GH1: variants seen among roughly 807,000 people sequenced by gnomAD.
GH1 encodes growth hormone 1.
A neutral mutation model predicts 24.5 loss-of-function variants in GH1; 13 were observed. The observed-to-expected ratio is 0.53, with a 90% CI of 0.35 to 0.85. The LOEUF is 0.85. Among genes scored for constraint, GH1 ranks in the 40% least tolerant of loss-of-function variants. GH1 has a pLI of 0.01. For missense variants in GH1, 294 were observed against 273.2 expected (o/e 1.08, Z -0.54); for synonymous variants, 126 against 116.3 (o/e 1.08, Z -0.54).
Position 63,917,808 on chromosome 17 carries a change from G to A in GH1, c.408C>T (p.Val136=), listed in dbSNP as rs774017931. 2.5e-6 allele frequency: 4 copies of A among 1,614,196 alleles called. No individual in the cohort carries two copies. The East Asian group carries it at 8.9e-5, about 36-fold the overall frequency. The change falls in exon 4 of 5, where the codon GTC becomes GTT. Residue 136 remains valine (V), a synonymous_variant. Coordinates refer to ENST00000323322, the MANE Select transcript of GH1 (RefSeq NM_000515.5). ...CCTCTAGGTCCTTTAGGAGGTCATA[G>A]ACGTTGCTGTCAGAGGCGCCGTACA... is the stretch of plus-strand genomic sequence containing the variant. The part of the protein sequence containing the change: ...SLVYGASDSN[V]YDLLKDLEEG...
At chr17:63,918,298 C>T in intron 2 of GH1, 48 bp downstream of exon 2, 1 of 1,612,910 alleles carries the variant, frequency 6.2e-7, no homozygotes. Flanking sequence ...GGGGGAAAGT[C>T]ACCCCTTCCT....
intron 1 of GH1, 112 bp downstream of exon 1, chr17:63,918,655 T>A: frequency 6.2e-7 from 1 of 1,610,500 alleles, no homozygotes; most frequent in Non-Finnish European, 8.5e-7. Flanking sequence ...TACATGGCGA[T>A]ACTCACATTC....
chr17:63,918,237 C>G, intron 2 of GH1, 101 bp from the exon 3 acceptor site: 1 of 1,612,038 alleles, frequency 6.2e-7, no homozygotes, highest in Non-Finnish European at 8.5e-7. Context: ...CCTGCATTTT[C>G]GCTTCGGGAA....
Position 63,917,689 on chromosome 17 carries a change from C to G in GH1, c.456+71G>C. 4 of 1,614,136 alleles carry G rather than the reference C, an allele frequency of 2.5e-6. No homozygotes were observed. The South Asian group carries it at 4.4e-5, about 18-fold the overall frequency. ...GGCCTGACTGCTAAAAAGAGGGCAG[C>G]AGTGTTTCTCTAACACAGCTCTCAA... is the stretch of plus-strand genomic sequence containing the variant. On this transcript the variant is annotated intron_variant, in intron 4 of 4. Transcript: ENST00000323322.
rs745903951 is a variant in GH1, at chr17:63,918,380, A to G, written c.137T>C (p.Leu46Pro). ...GTAGGTGTCAAAGGCCAGCTGGTGC[A>G]GACGATGGGCGCGGAGCATAGCGTT... Reference protein sequence around the residue: ...FDNAMLRAHRLHQLAFDTYQE... With the variant: ...FDNAMLRAHRPHQLAFDTYQE... The change falls in exon 2 of 5, where the codon CTG becomes CCG. Residue 46 changes from leucine (L) to proline (P), a missense_variant. Leu to Pro is a moderately conservative substitution (Grantham distance 98). Coordinates refer to ENST00000323322, the MANE Select transcript of GH1 (RefSeq NM_000515.5). 14 of 1,614,100 alleles carry G rather than the reference A, an allele frequency of 8.7e-6. No individual in the cohort carries two copies. The highest frequency in any genetic ancestry group is 2.7e-5 in the African/African-American group (2 of 74,932).
rs1461264581 is a variant in GH1, at chr17:63,918,828, C to T, written c.-52G>A. ...CCCTGAGTGGTTCGGGGAGTTGGGC[C>T]TTGGGATCCTTGAGCTGGTCTCTTG... On this transcript the variant is annotated 5_prime_UTR_variant, in exon 1 of 5. Transcript: ENST00000323322. 2 of 1,613,772 alleles carry T rather than the reference C, an allele frequency of 1.2e-6. No homozygotes were observed. Among genetic ancestry groups the T allele is most frequent in the Non-Finnish European group, 1.7e-6 (2 of 1,179,758 alleles).
chr17:63,917,852 C>T lies in GH1; in HGVS notation c.364G>A (p.Val122Ile), dbSNP rs866454750. The change falls in exon 4 of 5, where the codon GTC becomes ATC. Residue 122 changes from valine to isoleucine, a missense_variant. By Grantham distance (29) the Val-to-Ile change is conservative (BLOSUM62 3). Coordinates refer to ENST00000323322, the MANE Select transcript of GH1 (RefSeq NM_000515.5). ...CCGTACACCAGGCTGTTGGCGAAGACACTCCTGAGGAACTGCACGGGCTCC... is the reference window on the plus strand; with the variant it reads ...CCGTACACCAGGCTGTTGGCGAAGATACTCCTGAGGAACTGCACGGGCTCC... ...WLEPVQFLRS[V>I]FANSLVYGAS... The T allele has an allele frequency of 1.2e-6, 2 of 1,614,210 alleles. No homozygotes were observed. The highest frequency in any genetic ancestry group is 2.2e-5 in the South Asian group (2 of 91,088).
At position 63,917,929 on chromosome 17, in the gene GH1, A is replaced by C. The variant is rs747651789; in HGVS notation, c.292-5T>G. On this transcript the variant is annotated splice_region_variant and splice_polypyrimidine_tract_variant and intron_variant, in intron 3 of 4. Coordinates refer to ENST00000323322, the MANE Select transcript of GH1 (RefSeq NM_000515.5). ...GATGCGGAGCAGCTCTAGGTTCTGC[A>C]GGGGAAGGACGGGCATTGGCTGTGC... 5 of 1,614,158 alleles carry C rather than the reference A, an allele frequency of 3.1e-6. No homozygotes were observed. Among genetic ancestry groups the C allele is most frequent in the Middle Eastern group, 1.6e-4 (1 of 6,062 alleles).
chr17:63,918,184 A>T (rs1475694518), intron 2 of GH1, 48 bp from the exon 3 acceptor site: 1 of 1,613,938 alleles, frequency 6.2e-7, no homozygotes, highest in Non-Finnish European at 8.5e-7. Context: ...ACCAGCTCCC[A>T]TTGTTACTTT....
chr17:63,917,532 AG>A, intron 4 of GH1, 26 bp from the exon 5 acceptor site: 1 of 1,613,954 alleles, frequency 6.2e-7, no homozygotes, highest in Non-Finnish European at 8.5e-7. Context: ...AGAGAAGGAG[AG>A]GCCAAGCGCT....
chr17:63,918,614 G>A (rs755092059), intron 1 of GH1, 108 bp from the exon 2 acceptor site: 58 of 1,609,846 alleles, frequency 3.6e-5, no homozygotes, highest in Non-Finnish European at 4.8e-5. Context: ...CAGGGACCAG[G>A]AGCTTTCTGA....
chr17:63,917,324 G>A lies in GH1; in HGVS notation c.639C>T (p.Gly213=), dbSNP rs1366097196. 53 of 1,613,964 alleles carry A rather than the reference G, an allele frequency of 3.3e-5. No homozygotes were observed. Among genetic ancestry groups the A allele is most frequent in the Non-Finnish European group, 4.4e-5 (52 of 1,179,942 alleles). ...ACCCGGGCAGCTAGAAGCCACAGCT[G>A]CCCTCCACAGAGCGGCACTGCACGA... is the stretch of plus-strand genomic sequence containing the variant. ...LRIVQCRSVE[G]SCGF Residue 213 remains glycine, a synonymous_variant, in exon 5 of 5, where the codon GGC becomes GGT. Transcript: ENST00000323322.
At position 63,918,092 on chromosome 17, in the gene GH1, C is replaced by A; in HGVS notation, c.216G>T (p.Gln72His). The change falls in exon 3 of 5, where the codon CAG (glutamine) becomes CAT (histidine). Residue 72 changes from glutamine (Q) to histidine (H), a missense_variant. Gln to His is a conservative substitution (Grantham distance 24). Coordinates refer to ENST00000323322, the MANE Select transcript of GH1 (RefSeq NM_000515.5). ...AGAAACAGAGGGAGGTCTGGGGGTT[C>A]TGCAGGAATGAATACTTCTGTTCCT... The part of the protein sequence containing the change: ...IPKEQKYSFL[Q>H]NPQTSLCFSE... The A allele has an allele frequency of 1.2e-6, 2 of 1,614,152 alleles. No individual in the cohort carries two copies. The highest frequency in any genetic ancestry group is 8.5e-7 in the Non-Finnish European group (1 of 1,180,006).
Position 63,918,345 on chromosome 17 carries a change from C to G in GH1, c.171+1G>C, listed in dbSNP as rs757986158. ...TGCGCACCCATTCCCCAAGAGCTTA[C>G]AAACTCCTGGTAGGTGTCAAAGGCC... On this transcript the variant is annotated splice_donor_variant, in intron 2 of 4. Transcript: ENST00000323322. LOFTEE classifies it high-confidence loss of function. 6.2e-7 allele frequency: 1 copy of G among 1,614,188 alleles called. No individual in the cohort carries two copies. Among genetic ancestry groups the G allele is most frequent in the South Asian group, 1.1e-5 (1 of 91,078 alleles).
chr17:63,917,353 G>A lies in GH1; in HGVS notation c.610C>T (p.Arg204Cys), dbSNP rs1907383229. Reference protein sequence around the residue: ...KDMDKVETFLRIVQCRSVEGS... With the variant: ...KDMDKVETFLCIVQCRSVEGS... Reference sequence around the variant, plus strand: ...TCCACAGAGCGGCACTGCACGATGCGCAGGAATGTCTCGACCTTGTCCATG... The same window carrying A: ...TCCACAGAGCGGCACTGCACGATGCACAGGAATGTCTCGACCTTGTCCATG... The change falls in exon 5 of 5, where the codon CGC becomes TGC. Residue 204 changes from arginine to cysteine, a missense_variant. Physicochemically the swap from Arg to Cys is radical, Grantham distance 180. Transcript: ENST00000323322. 5 of 1,613,926 alleles carry A rather than the reference G, an allele frequency of 3.1e-6. No homozygotes were observed. Among genetic ancestry groups the A allele is most frequent in the East Asian group, 2.2e-5 (1 of 44,892 alleles).
intron 1 of GH1, 45 bp from the exon 2 acceptor site, chr17:63,918,551 G>A (rs1489219405): frequency 2.5e-6 from 4 of 1,612,922 alleles, no homozygotes; most frequent in Non-Finnish European, 2.5e-6. Context: ...GAGAGCAAGA[G>A]GCCAGCACTC....
Position 63,918,315 on chromosome 17 carries a change from C to T in GH1, c.171+31G>A, listed in dbSNP as rs41295035. ...GGGAAAGTCACCCCTTCCTGCCACC[C>T]CTGATGCGCACCCATTCCCCAAGAG... On this transcript the variant is annotated intron_variant, in intron 2 of 4. Transcript: ENST00000323322. 2.8e-3 allele frequency: 4,452 copies of T among 1,613,914 alleles called. 11 individuals are homozygous for T. The highest frequency in any genetic ancestry group is 3.5e-3 in the Non-Finnish European group (4,139 of 1,179,766).
rs1003856494 is a variant in GH1 at position 63,918,041 on chromosome 17, G to C, written c.267C>G (p.Asn89Lys). The C allele has an allele frequency of 6.8e-6, 11 of 1,614,064 alleles. No individual in the cohort carries two copies. In the Admixed American group the frequency reaches 1.5e-4, roughly 22 times the overall value. Residue 89 changes from asparagine (N) to lysine (K), a missense_variant, in exon 3 of 5, where the codon AAC becomes AAG. By Grantham distance (94) the Asn-to-Lys change is moderately conservative. Transcript: ENST00000323322. ...CGGATTTCTGTTGTGTTTCCTCCCTGTTGGAGGGTGTCGGAATAGACTCTG... is the reference window on the plus strand; with the variant it reads ...CGGATTTCTGTTGTGTTTCCTCCCTCTTGGAGGGTGTCGGAATAGACTCTG... ...CFSESIPTPSNREETQQKSNL... is the reference protein window; with the variant it reads ...CFSESIPTPSKREETQQKSNL...
At chr17:63,917,712 C>G in intron 4 of GH1, 48 bp downstream of exon 4, 1 of 1,614,196 alleles carries the variant, frequency 6.2e-7, no homozygotes, top group Non-Finnish European at 8.5e-7. Context: ...ACACAGCTCT[C>G]AAAGTCAGTG....
Sources: gnomAD v4.1 joint callset for allele counts on GRCh38, gnomAD v4.1.1 for gene constraint, MANE v1.5 for transcripts, NCBI Gene and HGNC (gene_info 2026-07-23, HGNC 2026-07-21) for gene names.